The following TMEM207 variants were observed in gnomAD, a reference collection of about 807,000 sequenced individuals.
TMEM207 encodes SRSR846.
A neutral mutation model predicts 17.4 loss-of-function variants in TMEM207; 15 were observed. The observed-to-expected ratio is 0.86, with a 90% CI of 0.58 to 1.33. The LOEUF is 1.33. Among genes scored for constraint, TMEM207 ranks in the 40% most tolerant of loss-of-function variants. The pLI is 0.00. For synonymous variants in TMEM207, 70 were observed against 65.6 expected (o/e 1.07, Z -0.33); for missense variants, 205 against 173.8 (o/e 1.18, Z -1.01).
intron 4 of TMEM207, among the ~76,000 whole-genome samples, chr3:190,432,118 C>CT (rs1230727085): frequency 6.6e-6 from 1 of 152,154 alleles, no homozygotes; most frequent in Admixed American, 6.5e-5. Flanking sequence ...GAACTGCTCT[C>CT]TAAGATATCA....
intron 4 of TMEM207, among the ~76,000 whole-genome samples, chr3:190,433,271 C>T (rs1719727809): frequency 6.6e-6 from 1 of 152,050 alleles, no homozygotes; most frequent in African/African-American, 2.4e-5. Context: ...TTTTATTCAG[C>T]ATCACAACTT....
At chr3:190,434,665 C>T (rs1719763240) in intron 4 of TMEM207, among the ~76,000 whole-genome samples, 1 of 152,172 alleles carries the variant, frequency 6.6e-6, no homozygotes, top group South Asian at 2.1e-4. Flanking sequence ...AACATACCCA[C>T]ATAATACTAG....
intron 3 of TMEM207, 46 bp from the exon 4 acceptor site, chr3:190,440,435 G>T: frequency 6.4e-7 from 1 of 1,555,860 alleles, no homozygotes; most frequent in Non-Finnish European, 8.7e-7. Context: ...GAGTATGCAG[G>T]GAAGTTAAGA....
At chr3:190,444,304 C>T (rs111585339) in intron 2 of TMEM207, 11,964 of 453,456 alleles carry the variant, frequency 0.026, 191 homozygotes, top group South Asian at 0.056. Flanking sequence ...AAGTAACTTG[C>T]GCAAGTTAGC....
intron 2 of TMEM207, among the ~76,000 whole-genome samples, chr3:190,443,543 G>A (rs1293600176): frequency 6.6e-6 from 1 of 152,054 alleles, no homozygotes; most frequent in Non-Finnish European, 1.5e-5. Context: ...TTGACCTTTA[G>A]GATTTTGCAC....
intron 2 of TMEM207, among the ~76,000 whole-genome samples, chr3:190,445,967 C>T (rs750650244): frequency 6.6e-5 from 10 of 152,194 alleles, no homozygotes; most frequent in South Asian, 2.1e-4. Context: ...TCTACCTAGG[C>T]GATCCATGTT....
intron 2 of TMEM207, among the ~76,000 whole-genome samples, chr3:190,445,346 C>T (rs1343948925): frequency 3.3e-5 from 5 of 152,158 alleles, no homozygotes; most frequent in Non-Finnish European, 5.9e-5. Context: ...ATAAGAGGGG[C>T]TCTGTCATGC....
chr3:190,444,207 G>A (rs770346455), intron 2 of TMEM207, among the ~76,000 whole-genome samples: 9 of 152,300 alleles, frequency 5.9e-5, no homozygotes, highest in African/African-American at 9.6e-5. Context: ...TGAAATAACG[G>A]ACTCTCAAAC....
intron 3 of TMEM207, among the ~76,000 whole-genome samples, chr3:190,440,937 C>T (rs1318645373): frequency 6.6e-6 from 1 of 152,120 alleles, no homozygotes; most frequent in Non-Finnish European, 1.5e-5. Context: ...GGCGTGATGG[C>T]GGGCGCCTGT....
intron 1 of TMEM207, 132 bp from the exon 2 acceptor site, chr3:190,447,959 G>T: frequency 1.4e-6 from 1 of 699,236 alleles, no homozygotes. Context: ...CTATAGCAGA[G>T]TTTATTGTTG....
intron 4 of TMEM207, among the ~76,000 whole-genome samples, chr3:190,429,996 C>G (rs1158836779): frequency 6.6e-6 from 1 of 152,098 alleles, no homozygotes; most frequent in African/African-American, 2.4e-5. Context: ...GGAGCTGAAA[C>G]TAGAAGGAAT....
rs755541543 is a variant in TMEM207 at position 190,440,215 on chromosome 3, A to G, written c.304+29T>C. The G allele has an allele frequency of 1.5e-5, 24 of 1,580,774 alleles. No homozygotes were observed. In the African/African-American group the frequency reaches 3.3e-4, roughly 22 times the overall value. ...ACCGCAAAACCACAAAGTATCAAAA[A>G]AGAGTCCAGAAGCGTGCAGACAACT... On this transcript the variant is annotated intron_variant, in intron 4 of 4. Transcript: ENST00000354905.
intron 4 of TMEM207, among the ~76,000 whole-genome samples, chr3:190,430,198 G>A (rs1014716565): frequency 5.9e-5 from 9 of 152,020 alleles, no homozygotes; most frequent in African/African-American, 2.2e-4. Flanking sequence ...CAGTAAAAAT[G>A]TTAAGCTCGG....
chr3:190,440,874 C>T (rs1314418489), intron 3 of TMEM207, among the ~76,000 whole-genome samples: 3 of 152,186 alleles, frequency 2.0e-5, no homozygotes, highest in Non-Finnish European at 4.4e-5. Flanking sequence ...CGAGAACATC[C>T]TGGCTAACAC....
chr3:190,435,615 G>A (rs531342180), intron 4 of TMEM207, among the ~76,000 whole-genome samples: 1 of 152,280 alleles, frequency 6.6e-6, no homozygotes, highest in South Asian at 2.1e-4. Context: ...GTAAGTGCCA[G>A]GGTCTCTTCT....
intron 2 of TMEM207, among the ~76,000 whole-genome samples, chr3:190,443,346 G>A (rs1719975959): frequency 6.9e-6 from 1 of 145,790 alleles, no homozygotes; most frequent in African/African-American, 2.4e-5. Flanking sequence ...TAATTTTTAA[G>A]GCCCTCTATT....
At chr3:190,446,865 A>T (rs1172716258) in intron 2 of TMEM207, among the ~76,000 whole-genome samples, 2 of 152,242 alleles carry the variant, frequency 1.3e-5, no homozygotes, top group Non-Finnish European at 2.9e-5. Context: ...ATCCTGAGTC[A>T]GATAAGCATG....
At chr3:190,439,717 G>A (rs1046472076) in intron 4 of TMEM207, among the ~76,000 whole-genome samples, 2 of 152,174 alleles carry the variant, frequency 1.3e-5, no homozygotes, top group African/African-American at 2.4e-5. Context: ...GGAGCTGACA[G>A]GATCAGGACG....
chr3:190,448,356 T>C (rs1720095030), intron 1 of TMEM207, among the ~76,000 whole-genome samples: 1 of 152,138 alleles, frequency 6.6e-6, no homozygotes, highest in South Asian at 2.1e-4. Flanking sequence ...GACATTCCAG[T>C]TGAGATTTAC....
Sources: allele counts gnomAD v4.1 joint callset (sites outside exome capture counted in the v4.1 genomes callset), GRCh38; gene constraint gnomAD v4.1.1; transcripts MANE v1.5; gene names NCBI Gene and HGNC (gene_info 2026-07-23, HGNC 2026-07-21).